PHF21A: variants seen among roughly 807,000 people sequenced by gnomAD.
PHF21A encodes BHC80a.
In PHF21A, 11 loss-of-function variants were observed where a neutral mutation model predicts 82.5. The observed-to-expected ratio is 0.13, with a 90% confidence interval of 0.08 to 0.22. The LOEUF is 0.22. Ranked by LOEUF, PHF21A falls within the 10% of genes least tolerant of loss-of-function variation. The probability of loss-of-function intolerance (pLI) is 1.00; values close to 1 mark genes in which losing one functional copy is unlikely to be tolerated. For synonymous variants in PHF21A, 297 were observed against 302.8 expected, an observed-to-expected ratio of 0.98 and a Z score of 0.20; for missense variants, 579 against 837.8, an observed-to-expected ratio of 0.69 and a Z score of 3.81.
intron 1 of PHF21A, among the ~76,000 whole-genome samples, chr11:46,092,455 A>T (rs2096936688): frequency 6.6e-6 from 1 of 152,244 alleles, no homozygotes. Flanking sequence ...TTTCAAGACA[A>T]GCAAAAGTAA....
chr11:46,029,469 C>T (rs2138223163), intron 6 of PHF21A, among the ~76,000 whole-genome samples: 1 of 152,286 alleles, frequency 6.6e-6, no homozygotes, highest in South Asian at 2.1e-4. Context: ...GGGCAGATCA[C>T]TTGAGATCAG....
chr11:46,034,215 G>A (rs1403250958), intron 6 of PHF21A, among the ~76,000 whole-genome samples: 1 of 143,304 alleles, frequency 7.0e-6, no homozygotes, highest in Non-Finnish European at 1.5e-5. Context: ...TAATATTAGT[G>A]CCCCCACCCC....
intron 6 of PHF21A, among the ~76,000 whole-genome samples, chr11:46,060,872 T>C (rs1025498998): frequency 1.3e-5 from 2 of 152,234 alleles, no homozygotes; most frequent in Non-Finnish European, 2.9e-5. Context: ...ACCTTCATCG[T>C]GAAATCTGTG....
intron 8 of PHF21A, 61 bp from the exon 9 acceptor site, chr11:45,969,965 G>C: frequency 9.4e-7 from 1 of 1,064,700 alleles, no homozygotes; most frequent in Non-Finnish European, 1.4e-6. Context: ...ATCAAAGCTA[G>C]TATTTTTAGC....
intron 15 of PHF21A, among the ~76,000 whole-genome samples, chr11:45,944,840 C>T (rs958408549): frequency 6.6e-6 from 1 of 152,254 alleles, no homozygotes. Flanking sequence ...AATCTCTGCT[C>T]ACTGCAACCT....
chr11:46,114,474 G>C (rs558719232), intron 1 of PHF21A, among the ~76,000 whole-genome samples: 2 of 152,104 alleles, frequency 1.3e-5, no homozygotes, highest in African/African-American at 4.8e-5. Flanking sequence ...CAAATTTAAC[G>C]CAATCCAGCT....
intron 6 of PHF21A, among the ~76,000 whole-genome samples, chr11:45,989,796 C>T (rs151015910): frequency 0.014 from 2,067 of 152,146 alleles, 91 homozygotes; most frequent in Admixed American, 0.099. Context: ...CCCAGGAGTT[C>T]GAGACCAGCC....
At chr11:46,003,697 A>T (rs1383772827) in intron 6 of PHF21A, among the ~76,000 whole-genome samples, 1 of 152,218 alleles carries the variant, frequency 6.6e-6, no homozygotes, top group South Asian at 2.1e-4. Flanking sequence ...AGTATGGCTC[A>T]GCACACTACA....
At chr11:46,018,054 T>C (rs1020184996) in intron 6 of PHF21A, among the ~76,000 whole-genome samples, 1 of 151,694 alleles carries the variant, frequency 6.6e-6, no homozygotes, top group African/African-American at 2.4e-5. Context: ...ATCGAGACCA[T>C]CCCGGCTAAA....
intron 1 of PHF21A, among the ~76,000 whole-genome samples, chr11:46,116,303 C>T (rs902337556): frequency 6.6e-6 from 1 of 152,290 alleles, no homozygotes; most frequent in East Asian, 1.9e-4. Flanking sequence ...CTAACACATA[C>T]AGATATACAT....
chr11:46,071,276 T>A (rs559187294), intron 6 of PHF21A, among the ~76,000 whole-genome samples: 2 of 152,300 alleles, frequency 1.3e-5, no homozygotes, highest in African/African-American at 4.8e-5. Context: ...GTAGCTGCTG[T>A]CCCTTCATGC....
chr11:46,031,538 C>T (rs1468089410), intron 6 of PHF21A, among the ~76,000 whole-genome samples: 1 of 152,138 alleles, frequency 6.6e-6, no homozygotes, highest in East Asian at 1.9e-4. Context: ...CAGGATTTAA[C>T]CTAGTAGTTC....
chr11:46,118,022 T>C (rs898219933), intron 1 of PHF21A: 2 of 152,200 alleles, frequency 1.3e-5, no homozygotes, highest in African/African-American at 4.8e-5. Context: ...AAAAATTTCC[T>C]TTATCTTGCT....
At chr11:46,043,845 A>G (rs2096205141) in intron 6 of PHF21A, among the ~76,000 whole-genome samples, 1 of 152,120 alleles carries the variant, frequency 6.6e-6, no homozygotes, top group Non-Finnish European at 1.5e-5. Context: ...TTTTCTAATC[A>G]TTTCACTGTT....
intron 6 of PHF21A, among the ~76,000 whole-genome samples, chr11:46,023,766 G>A (rs193226314): frequency 3.0e-4 from 46 of 152,186 alleles, no homozygotes; most frequent in Admixed American, 9.8e-4. Flanking sequence ...GACCAGCCTC[G>A]CCAACATGGT....
chr11:46,045,274 C>A (rs1361861905), intron 6 of PHF21A, among the ~76,000 whole-genome samples: 3 of 152,168 alleles, frequency 2.0e-5, no homozygotes, highest in Non-Finnish European at 2.9e-5. Context: ...GTGTTTATTT[C>A]TTTTTCCCTA....
chr11:46,030,834 T>TGC (rs1294295783), intron 6 of PHF21A, among the ~76,000 whole-genome samples: 13 of 66,396 alleles, frequency 2.0e-4, no homozygotes, highest in African/African-American at 3.3e-4. Flanking sequence ...TGTGTGCGTG[T>TGC]GTGTGTGTGT....
chr11:45,934,757 A>G, intron 18 of PHF21A: 1 of 337,384 alleles, frequency 3.0e-6, no homozygotes, highest in South Asian at 2.4e-5. Context: ...CCCAAGGACA[A>G]AGGCCTGCAG....
At chr11:46,040,931 A>ACACACG (rs1555134081) in intron 6 of PHF21A, among the ~76,000 whole-genome samples, 7 of 113,674 alleles carry the variant, frequency 6.2e-5, no homozygotes, top group Non-Finnish European at 1.3e-4. Context: ...ACACACACAC[A>ACACACG]CACGCACGCA....
Sources: allele counts gnomAD v4.1 joint callset (sites outside exome capture counted in the v4.1 genomes callset), GRCh38; gene constraint gnomAD v4.1.1; transcripts MANE v1.5; gene names NCBI Gene and HGNC (gene_info 2026-07-23, HGNC 2026-07-21).